Variants in FIGN observed in about 807,000 individuals in gnomAD.
The protein encoded by FIGN is fidgetin, microtubule severing factor.
FIGN carries 11 observed loss-of-function variants against 51.3 expected under a neutral mutation model. The observed-to-expected ratio is 0.21, with a 90% CI of 0.13 to 0.35. The LOEUF is 0.35. Among genes scored for constraint, FIGN ranks in the 10% least tolerant of loss-of-function variants. The pLI is 1.00. For synonymous variants in FIGN, 407 were observed against 363.2 expected, an observed-to-expected ratio of 1.12 and a Z score of -1.37; for missense variants, 857 against 943.6, an observed-to-expected ratio of 0.91 and a Z score of 1.20.
At position 163,666,161 on chromosome 2, in the gene FIGN, T is replaced by C. The variant is rs938540727; in HGVS notation, c.26-54355A>G. Among the ~76,000 whole-genome samples, 14 of 152,296 alleles carry C rather than the reference T, an allele frequency of 9.2e-5. 1 individual carries two copies. The South Asian group carries it at 2.7e-3, about 29-fold the overall frequency. On this transcript the variant is annotated intron_variant, in intron 2 of 2. Coordinates refer to ENST00000333129, the MANE Select transcript of FIGN (RefSeq NM_018086.4). Reference sequence around the variant, plus strand: ...AAACCTGAGTTTGGTAGAAAGAATATGGATGCAGGAAGGAGTAAAGGACAG... The same window carrying C: ...AAACCTGAGTTTGGTAGAAAGAATACGGATGCAGGAAGGAGTAAAGGACAG...
Position 163,730,145 on chromosome 2 carries a change from C to T in FIGN, c.25+4758G>A, listed in dbSNP as rs56727471. On this transcript the variant is annotated intron_variant, in intron 2 of 2. Transcript: ENST00000333129. Reference sequence around the variant, plus strand: ...CATACCCCTTGCTTTTGATTTGCTTCGAACTTCAATGTACCATTTATTTTG... The same window carrying T: ...CATACCCCTTGCTTTTGATTTGCTTTGAACTTCAATGTACCATTTATTTTG... Among the ~76,000 whole-genome samples the T allele has an allele frequency of 2.8e-3, 421 of 152,274 alleles. 5 individuals are homozygous for T. Among genetic ancestry groups the T allele is most frequent in the African/African-American group, 9.7e-3 (405 of 41,570 alleles).
At chr2:163,659,168 A>G (rs1683611474) in intron 2 of FIGN, among the ~76,000 whole-genome samples, 1 of 152,246 alleles carries the variant, frequency 6.6e-6, no homozygotes, top group East Asian at 1.9e-4. Context: ...ATTTACTTAA[A>G]AGCCCAAGTT....
intron 2 of FIGN, among the ~76,000 whole-genome samples, chr2:163,730,781 C>CA (rs1204320559): frequency 1.3e-5 from 2 of 152,118 alleles, no homozygotes; most frequent in African/African-American, 4.8e-5. Flanking sequence ...CGATCAGTAG[C>CA]ATATGTCAAT....
At chr2:163,638,777 T>C (rs558685990) in intron 2 of FIGN, among the ~76,000 whole-genome samples, 2 of 152,292 alleles carry the variant, frequency 1.3e-5, no homozygotes, top group African/African-American at 2.4e-5. Context: ...TTCCTAATCA[T>C]ACTAATATTC....
intron 2 of FIGN, among the ~76,000 whole-genome samples, chr2:163,701,822 C>G (rs1684412421): frequency 6.6e-6 from 1 of 152,168 alleles, no homozygotes; most frequent in African/African-American, 2.4e-5. Flanking sequence ...ATGACTTTAA[C>G]TTTAACATGA....
chr2:163,678,599 G>A (rs1381841701), intron 2 of FIGN, among the ~76,000 whole-genome samples: 2 of 152,034 alleles, frequency 1.3e-5, no homozygotes, highest in African/African-American at 4.8e-5. Context: ...TAGAACTATT[G>A]GGGTTGAGCA....
At chr2:163,620,610 G>C (rs1682952257) in intron 2 of FIGN, among the ~76,000 whole-genome samples, 1 of 152,066 alleles carries the variant, frequency 6.6e-6, no homozygotes, top group Non-Finnish European at 1.5e-5. Flanking sequence ...TGAGTGTTTT[G>C]AATCTTTATT....
Position 163,692,230 on chromosome 2 carries a change from T to G in FIGN, c.25+42673A>C, listed in dbSNP as rs77479976. On this transcript the variant is annotated intron_variant, in intron 2 of 2. Coordinates refer to ENST00000333129, the MANE Select transcript of FIGN (RefSeq NM_018086.4). ...TAAAATATTATACATAGGAACATGATTCAGTAAGAAGCAGGCATAGGGCCA... is the reference window on the plus strand; with the variant it reads ...TAAAATATTATACATAGGAACATGAGTCAGTAAGAAGCAGGCATAGGGCCA... 7.8e-3 allele frequency among the ~76,000 whole-genome samples: 1,185 copies of G among 152,286 alleles called. 14 individuals carry two copies. The highest frequency in any genetic ancestry group is 0.027 in the African/African-American group (1,120 of 41,560).
chr2:163,735,021 T>G lies in FIGN; in HGVS notation c.-94A>C. The G allele has an allele frequency of 2.2e-6, 3 of 1,337,822 alleles. No homozygotes were observed. Among genetic ancestry groups the G allele is most frequent in the South Asian group, 2.5e-5 (2 of 80,652 alleles). The allele number at this position is 1,337,822 out of a possible 1,614,324, so 82.9% of individuals were successfully genotyped here. On this transcript the variant is annotated 5_prime_UTR_variant, in exon 2 of 3. Transcript: ENST00000333129. ...TTAAAGCCACTTTTCCTCTCAGCTA[T>G]CAAATGTCACTGCCTTGAAACGTGG... is the stretch of plus-strand genomic sequence containing the variant.
At chr2:163,666,882 A>C (rs995722064) in intron 2 of FIGN, among the ~76,000 whole-genome samples, 3 of 146,126 alleles carry the variant, frequency 2.1e-5, no homozygotes, top group Admixed American at 2.0e-4. Flanking sequence ...TGACTTGAGA[A>C]GTCTAAAACC....
In FIGN at chr2:163,609,851, T is replaced by C. The variant is rs1691194616; in HGVS notation, c.1981A>G (p.Ile661Val). The C allele has an allele frequency of 1.9e-6, 3 of 1,614,164 alleles. No individual in the cohort carries two copies. Among genetic ancestry groups the C allele is most frequent in the Admixed American group, 1.7e-5 (1 of 60,022 alleles). Residue 661 changes from isoleucine to valine, a missense_variant, in exon 3 of 3, where the codon ATA (isoleucine) becomes GTA (valine). Ile to Val is a conservative substitution (Grantham distance 29, BLOSUM62 3). Around this residue, in one of 3 missense-constraint regions of FIGN, gnomAD observed 799 missense variants for 849.5 expected, o/e 0.94. Coordinates refer to ENST00000333129, the MANE Select transcript of FIGN (RefSeq NM_018086.4). ...PLPDSTARHQ[I>V]IVQLLSQHNY... Reference sequence around the variant, plus strand: ...TGCTGTGAGAGCAGTTGTACTATTATCTGGTGCCTCGCTGTGCTGTCAGGA... The same window carrying C: ...TGCTGTGAGAGCAGTTGTACTATTACCTGGTGCCTCGCTGTGCTGTCAGGA...
At chr2:163,629,203 T>G (rs1683103871) in intron 2 of FIGN, among the ~76,000 whole-genome samples, 1 of 152,182 alleles carries the variant, frequency 6.6e-6, no homozygotes, top group Non-Finnish European at 1.5e-5. Context: ...GAAAGGCATT[T>G]ACAGAGTACA....
intron 2 of FIGN, among the ~76,000 whole-genome samples, chr2:163,626,195 C>T (rs1683051577): frequency 6.6e-6 from 1 of 151,988 alleles, no homozygotes; most frequent in African/African-American, 2.4e-5. Context: ...GAGAAGAAAC[C>T]AAACTCATTC....
At chr2:163,614,823 T>A (rs10445754) in intron 2 of FIGN, among the ~76,000 whole-genome samples, 72,781 of 151,838 alleles carry the variant, frequency 0.48, 20,817 homozygotes, top group Non-Finnish European at 0.65. Flanking sequence ...CTTATTTTTT[T>A]AAAAAAACAC....
intron 2 of FIGN, among the ~76,000 whole-genome samples, chr2:163,668,515 G>C (rs1683821470): frequency 6.6e-6 from 1 of 152,202 alleles, no homozygotes; most frequent in Non-Finnish European, 1.5e-5. Flanking sequence ...AGTTGAGATA[G>C]GAATGAAAGC....
chr2:163,625,647 A>T (rs954100589), intron 2 of FIGN, among the ~76,000 whole-genome samples: 1 of 152,082 alleles, frequency 6.6e-6, no homozygotes, highest in Admixed American at 6.6e-5. Context: ...TTATCTATAA[A>T]TGTATGTTGA....
intron 2 of FIGN, among the ~76,000 whole-genome samples, chr2:163,616,793 G>T (rs1573905527): frequency 1.3e-5 from 2 of 152,184 alleles, no homozygotes; most frequent in South Asian, 4.2e-4. Context: ...ATACTTTACA[G>T]CCTCTTCTTT....
chr2:163,636,041 A>C (rs1283689426), intron 2 of FIGN, among the ~76,000 whole-genome samples: 1 of 152,188 alleles, frequency 6.6e-6, no homozygotes, highest in East Asian at 1.9e-4. Context: ...ATCTAAAGAG[A>C]GTAGTAGGTA....
chr2:163,733,877 C>T (rs1304909136), intron 2 of FIGN, among the ~76,000 whole-genome samples: 1 of 148,020 alleles, frequency 6.8e-6, no homozygotes, highest in Non-Finnish European at 1.5e-5. Context: ...TTTTCATATT[C>T]TCTCTTTCCT....
Sources: gnomAD v4.1 joint callset for allele counts (sites outside exome capture counted in the v4.1 genomes callset) on GRCh38, gnomAD v4.1.1 for gene constraint, gnomAD v4.1.1 regional missense constraint, MANE v1.5 for transcripts, NCBI Gene and HGNC (gene_info 2026-07-23, HGNC 2026-07-21) for gene names.